The following PTPRT variants were observed in gnomAD, a reference collection of about 807,000 sequenced individuals.
PTPRT encodes the protein protein tyrosine phosphatase receptor type T.
PTPRT carries 56 observed loss-of-function variants against 176.8 expected under a neutral mutation model. The observed-to-expected ratio is 0.32, with a 90% CI of 0.26 to 0.40. The LOEUF is 0.40. Ranked by LOEUF, PTPRT falls within the 10% of genes least tolerant of loss-of-function variation. The pLI is 1.00. For missense variants in PTPRT, 1,540 were observed against 1,908.2 expected, an observed-to-expected ratio of 0.81 and a Z score of 3.60; for synonymous variants, 783 against 739.0, an observed-to-expected ratio of 1.06 and a Z score of -0.96.
At chr20:42,640,407 T>C (rs6102966) in intron 7 of PTPRT, among the ~76,000 whole-genome samples, 1 of 125,440 alleles carries the variant, frequency 8.0e-6, no homozygotes, top group South Asian at 2.4e-4. Context: ...AAAAAAAAAA[T>C]TTTTTTGAGA....
At chr20:42,859,155 C>A (rs545621630) in intron 2 of PTPRT, among the ~76,000 whole-genome samples, 1 of 152,230 alleles carries the variant, frequency 6.6e-6, no homozygotes, top group Non-Finnish European at 1.5e-5. Context: ...GAAGGTACAC[C>A]ATTTTCTCAG....
the PTPRT span, among the ~76,000 whole-genome samples, chr20:42,050,164 G>A: frequency 5.3e-5 from 8 of 152,182 alleles, no homozygotes; most frequent in Admixed American, 2.0e-4. Context: ...GACTTAGCAA[G>A]TGCCTTGTGA....
intron 17 of PTPRT, among the ~76,000 whole-genome samples, chr20:42,146,408 G>T (rs1311310220): frequency 6.6e-6 from 1 of 152,154 alleles, no homozygotes; most frequent in Non-Finnish European, 1.5e-5. Context: ...TAATTGCGTT[G>T]AGTACTTGCC....
chr20:42,671,659 A>G (rs2075414946), intron 7 of PTPRT, among the ~76,000 whole-genome samples: 1 of 152,240 alleles, frequency 6.6e-6, no homozygotes, highest in African/African-American at 2.4e-5. Flanking sequence ...CCATAACAAT[A>G]GCAGCAACCA....
At chr20:42,472,156 G>C (rs2071208158) in intron 8 of PTPRT, 110 bp downstream of exon 8, 1 of 1,235,018 alleles carries the variant, frequency 8.1e-7, no homozygotes, top group African/African-American at 1.5e-5. Flanking sequence ...AAAGGTGTGT[G>C]TGAGGGAATT....
In PTPRT at chr20:42,079,758, G is replaced by T; in HGVS notation, c.*1121C>A. ...TTTGGACATCCAAATTATGCACAAAGCTGGTGCTCTATTTGCCCCAGAAAC... is the reference window on the plus strand; with the variant it reads ...TTTGGACATCCAAATTATGCACAAATCTGGTGCTCTATTTGCCCCAGAAAC... On this transcript the variant is annotated 3_prime_UTR_variant, in exon 31 of 31. Coordinates refer to ENST00000373187, the MANE Select transcript of PTPRT (RefSeq NM_007050.6). 4.4e-6 allele frequency: 1 copy of T among 229,300 alleles called. No homozygotes were observed. The highest frequency in any genetic ancestry group is 8.7e-6 in the Non-Finnish European group (1 of 115,582). 14.2% of individuals were successfully genotyped at this position (229,300 alleles called of 1,614,324 possible). A position where few individuals can be genotyped will look rare whatever the true frequency, so the allele number is the denominator to read the frequency against.
At chr20:42,982,789 A>G (rs1983354736) in intron 1 of PTPRT, among the ~76,000 whole-genome samples, 1 of 152,194 alleles carries the variant, frequency 6.6e-6, no homozygotes, top group African/African-American at 2.4e-5. Context: ...GTTCAGCTCC[A>G]GGGTGCCATT....
chr20:42,972,461 A>T (rs1568710133), intron 1 of PTPRT, among the ~76,000 whole-genome samples: 1 of 151,742 alleles, frequency 6.6e-6, no homozygotes, highest in Non-Finnish European at 1.5e-5. Flanking sequence ...AAGGAGTTCG[A>T]GACCTGCCTG....
chr20:42,902,992 T>TCA (rs1243861127), intron 1 of PTPRT, among the ~76,000 whole-genome samples: 1 of 152,124 alleles, frequency 6.6e-6, no homozygotes, highest in Non-Finnish European at 1.5e-5. Context: ...TCCATGGAGC[T>TCA]CACATACTAG....
chr20:42,573,710 A>G lies in PTPRT; in HGVS notation c.1154-101148T>C, dbSNP rs1283300427. 2.0e-5 allele frequency among the ~76,000 whole-genome samples: 3 copies of G among 150,248 alleles called. No homozygotes were observed. The East Asian group carries it at 5.9e-4, about 30-fold the overall frequency. The stretch of plus-strand genomic sequence containing the variant: ...GATGATACAACCCCGTTATCAGCAC[A>G]GTGGTCTCAAAATGGCAAGACGGAC... On this transcript the variant is annotated intron_variant, in intron 7 of 30. Coordinates refer to ENST00000373187, the MANE Select transcript of PTPRT (RefSeq NM_007050.6).
chr20:42,463,464 C>T (rs1252963635), intron 8 of PTPRT, among the ~76,000 whole-genome samples: 1 of 152,084 alleles, frequency 6.6e-6, no homozygotes, highest in Admixed American at 6.6e-5. Flanking sequence ...TCAGTGGGTT[C>T]ATGTAAATTC....
At chr20:43,048,328 G>A (rs1428832481) in intron 1 of PTPRT, among the ~76,000 whole-genome samples, 1 of 152,164 alleles carries the variant, frequency 6.6e-6, no homozygotes, top group Non-Finnish European at 1.5e-5. Context: ...CCCTGGCTGG[G>A]GAGACTGTCA....
intron 7 of PTPRT, among the ~76,000 whole-genome samples, chr20:42,490,696 C>A (rs1445178484): frequency 6.6e-6 from 1 of 151,670 alleles, no homozygotes; most frequent in Non-Finnish European, 1.5e-5. Flanking sequence ...TTTTTCTTTC[C>A]TTAAAGTTTG....
intron 16 of PTPRT, among the ~76,000 whole-genome samples, chr20:42,180,006 C>T (rs1990448573): frequency 6.6e-6 from 1 of 152,090 alleles, no homozygotes. Context: ...GCGGTGGCTC[C>T]GGGAAGATTC....
At chr20:42,261,319 T>C (rs868076588) in intron 13 of PTPRT, among the ~76,000 whole-genome samples, 1 of 151,888 alleles carries the variant, frequency 6.6e-6, no homozygotes, top group African/African-American at 2.4e-5. Context: ...GATGTTTTTC[T>C]CTTCTTGTAA....
At chr20:42,529,166 C>T (rs562035108) in intron 7 of PTPRT, among the ~76,000 whole-genome samples, 27 of 152,278 alleles carry the variant, frequency 1.8e-4, no homozygotes, top group Middle Eastern at 6.8e-3. Context: ...TAAGATGTCA[C>T]GCATGGTGCA....
chr20:42,099,399 G>A (rs1266942938), intron 26 of PTPRT, among the ~76,000 whole-genome samples: 1 of 152,092 alleles, frequency 6.6e-6, no homozygotes. Flanking sequence ...TACTGGCAGG[G>A]CAGAAACACC....
rs949021893 is a variant in PTPRT, at chr20:42,500,053, T to C, written c.1154-27491A>G. ...ATTTGAGTTTTTTTATCCACTAACA[T>C]GGTATGTCTCTTAACTTACCTAGGT... On this transcript the variant is annotated intron_variant, in intron 7 of 30. Transcript: ENST00000373187. Among the ~76,000 whole-genome samples, 3 of 152,140 alleles carry C rather than the reference T, an allele frequency of 2.0e-5. No individual in the cohort carries two copies. In the South Asian group the frequency reaches 6.2e-4, roughly 32 times the overall value.
chr20:43,083,345 T>TATATATACACAC (rs2011505111), intron 1 of PTPRT, among the ~76,000 whole-genome samples: 2 of 117,378 alleles, frequency 1.7e-5, no homozygotes, highest in African/African-American at 6.2e-5. Context: ...TATATATATA[T>TATATATACACAC]ATATATATAT....
Sources: gnomAD v4.1 joint callset for allele counts (sites outside exome capture counted in the v4.1 genomes callset) on GRCh38, gnomAD v4.1.1 for gene constraint, MANE v1.5 for transcripts, NCBI Gene and HGNC (gene_info 2026-07-23, HGNC 2026-07-21) for gene names.